The following PTPN21 variants were observed in gnomAD, a reference collection of about 807,000 sequenced individuals.
PTPN21 encodes the protein protein tyrosine phosphatase non-receptor type 21, also known as tyrosine-protein phosphatase non-receptor type 21.
A neutral mutation model predicts 131.8 loss-of-function variants in PTPN21; 77 were observed. That is an observed-to-expected ratio of 0.58 (90% confidence interval 0.49 to 0.71). The LOEUF (loss-of-function observed/expected upper bound fraction) is 0.71. Ranked by LOEUF, PTPN21 falls within the 30% of genes least tolerant of loss-of-function variation. The pLI, the probability that PTPN21 is intolerant of heterozygous loss-of-function variation, is 0.00. For synonymous variants in PTPN21, 715 were observed against 621.3 expected, an observed-to-expected ratio of 1.15 and a Z score of -2.24; for missense variants, 1,552 against 1,527.1, an observed-to-expected ratio of 1.02 and a Z score of -0.27.
At position 88,466,414 on chromosome 14, in the gene PTPN21, T is replaced by C. The variant is rs959306535; in HGVS notation, c.*1723A>G. 1 of 152,182 alleles carries C rather than the reference T, an allele frequency of 6.6e-6. No homozygotes were observed. Among genetic ancestry groups the C allele is most frequent in the African/African-American group, 2.4e-5 (1 of 41,444 alleles). 9.4% of individuals were successfully genotyped at this position (152,182 alleles called of 1,614,324 possible). ...GAGTTAGGCTGGTGCACACACTATT[T>C]AGGAAGTCCTGTCTCGTGGCTGACA... On this transcript the variant is annotated 3_prime_UTR_variant, in exon 19 of 19. Coordinates refer to ENST00000556564, the MANE Select transcript of PTPN21 (RefSeq NM_007039.4).
Position 88,469,915 on chromosome 14 carries a change from T to C in PTPN21, c.3000+7A>G. 6.2e-6 allele frequency: 10 copies of C among 1,613,968 alleles called. No individual in the cohort carries two copies. Among genetic ancestry groups the C allele is most frequent in the Non-Finnish European group, 8.5e-6 (10 of 1,179,986 alleles). ...GAGAAAATCACTTAAGAGAAATAAG[T>C]ACCTACCTCTTCTGCTGTCACCATT... is the stretch of plus-strand genomic sequence containing the variant. On this transcript the variant is annotated splice_region_variant and intron_variant, in intron 16 of 18. Transcript: ENST00000556564. This position sits in a 1 kb window ranked among gnomAD's most constrained non-coding sequence, Gnocchi z 4.3.
chr14:88,509,003 A>G (rs757378269), intron 3 of PTPN21, among the ~76,000 whole-genome samples: 1 of 152,118 alleles, frequency 6.6e-6, no homozygotes, highest in Non-Finnish European at 1.5e-5. Context: ...TTTAAATTCT[A>G]TCACCAGTAA....
intron 2 of PTPN21, among the ~76,000 whole-genome samples, chr14:88,517,554 C>T (rs1429956754): frequency 6.6e-6 from 1 of 151,314 alleles, no homozygotes; most frequent in Admixed American, 6.6e-5. Context: ...GTAGTGGCGG[C>T]TACTCAATTT....
intron 2 of PTPN21, among the ~76,000 whole-genome samples, chr14:88,539,784 C>T (rs766039852): frequency 2.0e-5 from 3 of 152,150 alleles, no homozygotes; most frequent in Non-Finnish European, 4.4e-5. Context: ...GGGTAGCATA[C>T]ATTATACAAA....
chr14:88,522,557 G>C (rs2078412760), intron 2 of PTPN21, among the ~76,000 whole-genome samples: 1 of 151,612 alleles, frequency 6.6e-6, no homozygotes, highest in African/African-American at 2.4e-5. Context: ...AGGATAGATT[G>C]TTTACATGAC....
rs773943864 is a variant in PTPN21, at chr14:88,479,741, G to A, written c.1690C>T (p.Arg564Trp). 51 of 1,536,324 alleles carry A rather than the reference G, an allele frequency of 3.3e-5. No individual in the cohort carries two copies. The highest frequency in any genetic ancestry group is 4.5e-5 in the East Asian group (2 of 44,202). ...GGGGGCGGGTAGGGTGGGGGTGGCC[G>A]GTACACCTGCGTCCGCATGATGTTG... is the stretch of plus-strand genomic sequence containing the variant. ...SPNIMRTQVY[R>W]PPPPYPPPRP... The change falls in exon 13 of 19, where the codon CGG (arginine) becomes TGG (tryptophan). Residue 564 changes from arginine to tryptophan, a missense_variant. Arg to Trp is a moderately radical substitution (Grantham distance 101, BLOSUM62 -3). This residue lies in a region of PTPN21 where 1,016 missense variants were observed against 883.5 expected (regional missense o/e 1.15). Coordinates refer to ENST00000556564, the MANE Select transcript of PTPN21 (RefSeq NM_007039.4).
intron 2 of PTPN21, among the ~76,000 whole-genome samples, chr14:88,528,590 G>A (rs1363549228): frequency 6.6e-6 from 1 of 152,200 alleles, no homozygotes; most frequent in Middle Eastern, 3.2e-3. Flanking sequence ...CTGGTGGGAG[G>A]TAACTGAATC....
At chr14:88,531,980 C>A (rs757406927) in intron 2 of PTPN21, among the ~76,000 whole-genome samples, 1 of 152,020 alleles carries the variant, frequency 6.6e-6, no homozygotes, top group South Asian at 2.1e-4. Context: ...AACGCCTTTG[C>A]GTGCATAAAC....
intron 2 of PTPN21, among the ~76,000 whole-genome samples, chr14:88,520,594 T>C (rs559796027): frequency 2.0e-4 from 30 of 152,190 alleles, no homozygotes; most frequent in South Asian, 1.4e-3. Flanking sequence ...AGAAAACAAG[T>C]ACTGTTCTTT....
At chr14:88,502,993 T>A (rs1595375790) in intron 6 of PTPN21, among the ~76,000 whole-genome samples, 1 of 151,942 alleles carries the variant, frequency 6.6e-6, no homozygotes, top group Admixed American at 6.6e-5. Context: ...TAGGTTCTAA[T>A]GAAACTGATC....
chr14:88,469,215 C>T lies in PTPN21; in HGVS notation c.3236-139G>A. ...GGTGCCAGTGAACCAAACCCAACCA[C>T]AAAGGGACAGTGTGACCCTGAGCAA... On this transcript the variant is annotated intron_variant, in intron 17 of 18. Transcript: ENST00000556564. The surrounding 1 kb of genome is among the most constrained non-coding windows in gnomAD (Gnocchi z 4.3). The T allele has an allele frequency of 1.1e-6, 1 of 930,314 alleles. No individual in the cohort carries two copies. The highest frequency in any genetic ancestry group is 1.7e-5 in the South Asian group (1 of 57,214). The allele number at this position is 930,314 out of a possible 1,614,324, so 57.6% of individuals were successfully genotyped here.
chr14:88,524,277 A>G lies in PTPN21; in HGVS notation c.181-7016T>C, dbSNP rs117178311. 2.3e-3 allele frequency among the ~76,000 whole-genome samples: 349 copies of G among 152,322 alleles called. 1 individual carries two copies. The highest frequency in any genetic ancestry group is 4.4e-3 in the Non-Finnish European group (300 of 68,014). The stretch of plus-strand genomic sequence containing the variant: ...CTGTGTGGTACTGGCATAAGGAGAG[A>G]CATATAGACAAATAGAATAGAGAGT... On this transcript the variant is annotated intron_variant, in intron 2 of 18. Transcript: ENST00000556564.
chr14:88,528,519 A>G (rs775472649), intron 2 of PTPN21, among the ~76,000 whole-genome samples: 2 of 152,192 alleles, frequency 1.3e-5, no homozygotes, highest in Non-Finnish European at 2.9e-5. Context: ...AACTTTACTG[A>G]TATGGTTTGG....
At chr14:88,552,479 G>GT (rs1179769294) in intron 1 of PTPN21, 1 of 152,178 alleles carries the variant, frequency 6.6e-6, no homozygotes, top group Non-Finnish European at 1.5e-5. Flanking sequence ...ATACAGAGCT[G>GT]TATCTCTAAT....
Position 88,487,209 on chromosome 14 carries a change from A to G in PTPN21, c.933-1367T>C, listed in dbSNP as rs1431997485. Among the ~76,000 whole-genome samples, 3 of 152,154 alleles carry G rather than the reference A, an allele frequency of 2.0e-5. No homozygotes were observed. In the East Asian group the frequency reaches 5.8e-4, roughly 29 times the overall value. ...GTTTTACTGCAAGATCTAGGAACCT[A>G]AACACACTGGATTCTTGGCTTTGTT... is the stretch of plus-strand genomic sequence containing the variant. On this transcript the variant is annotated intron_variant, in intron 10 of 18. Coordinates refer to ENST00000556564, the MANE Select transcript of PTPN21 (RefSeq NM_007039.4).
chr14:88,489,276 A>T (rs191038153), intron 10 of PTPN21, among the ~76,000 whole-genome samples: 1 of 152,308 alleles, frequency 6.6e-6, no homozygotes, highest in Non-Finnish European at 1.5e-5. Context: ...TTGCTTTGTA[A>T]GTTTCCTTTC....
chr14:88,519,414 C>G (rs1014838996), intron 2 of PTPN21, among the ~76,000 whole-genome samples: 1 of 151,930 alleles, frequency 6.6e-6, no homozygotes, highest in African/African-American at 2.4e-5. Flanking sequence ...GTAGTGCCAC[C>G]AAGGAGCTGT....
chr14:88,537,006 A>T (rs1188131004), intron 2 of PTPN21, among the ~76,000 whole-genome samples: 1 of 152,186 alleles, frequency 6.6e-6, no homozygotes, highest in Admixed American at 6.5e-5. Flanking sequence ...ACATTGCCTC[A>T]AAGCAGGCAG....
At chr14:88,509,931 G>A (rs1030527984) in intron 3 of PTPN21, among the ~76,000 whole-genome samples, 1 of 152,214 alleles carries the variant, frequency 6.6e-6, no homozygotes, top group Non-Finnish European at 1.5e-5. Flanking sequence ...AGCTACTTGG[G>A]AGGCTGAGGC....
Sources: gnomAD v4.1 joint callset for allele counts (sites outside exome capture counted in the v4.1 genomes callset) on GRCh38, gnomAD v4.1.1 for gene constraint, gnomAD v4.1.1 regional missense constraint, Gnocchi (gnomAD v3.1) non-coding constraint, MANE v1.5 for transcripts, NCBI Gene and HGNC (gene_info 2026-07-23, HGNC 2026-07-21) for gene names.